HTR2C: variants seen among roughly 807,000 people sequenced by gnomAD.
The protein encoded by HTR2C is 5-hydroxytryptamine receptor 2C, also known as 5-hydroxytryptamine (serotonin) receptor 2C, G protein-coupled.
HTR2C carries 5 observed loss-of-function variants against 21.0 expected under a neutral mutation model. The observed-to-expected ratio is 0.24, with a 90% confidence interval of 0.12 to 0.50. The LOEUF (loss-of-function observed/expected upper bound fraction) is 0.50, where lower values mean the gene tolerates loss of function less well. Ranked by LOEUF, HTR2C falls within the 20% of genes least tolerant of loss-of-function variation. HTR2C has a pLI of 0.98. For synonymous variants in HTR2C, 150 were observed against 145.3 expected (o/e 1.03, Z -0.23); for missense variants, 271 against 371.2 (o/e 0.73, Z 2.22).
At chrX:114,882,443 A>G (rs1232622870) in intron 5 of HTR2C, among the ~76,000 whole-genome samples, 2 of 110,832 alleles carry the variant, frequency 1.8e-5, no homozygotes, top group Admixed American at 1.9e-4. Flanking sequence ...GAAAGTATTG[A>G]GTCTTTCATC....
At chrX:114,879,431 A>G (rs190233617) in intron 5 of HTR2C, among the ~76,000 whole-genome samples, 27 of 110,009 alleles carry the variant, frequency 2.5e-4, no homozygotes, top group Admixed American at 1.2e-3. Context: ...CTTTTTATCT[A>G]ATCTGACAGT....
intron 2 of HTR2C, among the ~76,000 whole-genome samples, chrX:114,622,390 A>C (rs1259975761): frequency 9.0e-6 from 1 of 111,660 alleles, no homozygotes; most frequent in Admixed American, 9.6e-5. Flanking sequence ...ACAAAAAAAA[A>C]CCAGAGCTGG....
chrX:114,817,320 C>T (rs1048078067), intron 4 of HTR2C, among the ~76,000 whole-genome samples: 1 of 111,357 alleles, frequency 9.0e-6, no homozygotes, highest in Admixed American at 9.7e-5. Flanking sequence ...GAATTTTCTA[C>T]AAATGCAATT....
intron 1 of HTR2C, among the ~76,000 whole-genome samples, chrX:114,585,449 T>C (rs1299943567): frequency 9.0e-6 from 1 of 111,678 alleles, no homozygotes; most frequent in Non-Finnish European, 1.9e-5. Context: ...TCTCCAGCGC[T>C]GCCTCTTATT....
chrX:114,870,719 A>G (rs1241006901), intron 5 of HTR2C, among the ~76,000 whole-genome samples: 2 of 111,488 alleles, frequency 1.8e-5, no homozygotes, highest in Admixed American at 9.5e-5. Flanking sequence ...ATAGTTGCTC[A>G]TAGTAGCCAC....
chrX:114,683,855 G>A (rs1301455705), intron 2 of HTR2C, among the ~76,000 whole-genome samples: 2 of 111,497 alleles, frequency 1.8e-5, no homozygotes, highest in African/African-American at 6.5e-5. Context: ...CAGACAATGC[G>A]ACCTAGTAAA....
At chrX:114,645,627 G>A (rs898035851) in intron 2 of HTR2C, among the ~76,000 whole-genome samples, 3 of 111,581 alleles carry the variant, frequency 2.7e-5, no homozygotes, top group African/African-American at 9.8e-5. Flanking sequence ...TTAAAATCAG[G>A]CAACTATGAG....
At chrX:114,834,901 G>A (rs2070766206) in intron 4 of HTR2C, among the ~76,000 whole-genome samples, 1 of 108,338 alleles carries the variant, frequency 9.2e-6, no homozygotes. Context: ...GGCAGGACTG[G>A]TGGTGACAAA....
chrX:114,608,182 A>G (rs1928554664), intron 1 of HTR2C, among the ~76,000 whole-genome samples: 1 of 111,500 alleles, frequency 9.0e-6, no homozygotes, highest in South Asian at 3.7e-4. Context: ...TCTCACATTT[A>G]AAAATCTATA....
rs1930760512 is a variant in HTR2C, at chrX:114,655,770, A to G, written c.-80+41889A>G. 2.7e-5 allele frequency among the ~76,000 whole-genome samples: 3 copies of G among 110,613 alleles called. No homozygotes were observed. The South Asian group carries it at 1.1e-3, about 42-fold the overall frequency. On this transcript the variant is annotated intron_variant, in intron 2 of 5. Coordinates refer to ENST00000276198, the MANE Select transcript of HTR2C (RefSeq NM_000868.4). The stretch of plus-strand genomic sequence containing the variant: ...ATTGGATTCCTTCGGAACATATTAT[A>G]CCTTCTTGAGTTTTGTGTAAAACTC...
intron 2 of HTR2C, among the ~76,000 whole-genome samples, chrX:114,712,039 A>C (rs1336035094): frequency 8.9e-6 from 1 of 112,148 alleles, no homozygotes; most frequent in African/African-American, 3.2e-5. Context: ...GCAATAGAAG[A>C]AGCAACGCTG....
intron 4 of HTR2C, among the ~76,000 whole-genome samples, chrX:114,841,740 C>CA (rs5903436): frequency 1.2e-3 from 117 of 98,056 alleles, no homozygotes; most frequent in African/African-American, 4.0e-3. Flanking sequence ...GACTCCGTCT[C>CA]AAAAAAAAAA....
chrX:114,882,910 T>G (rs2071192788), intron 5 of HTR2C, among the ~76,000 whole-genome samples: 1 of 110,863 alleles, frequency 9.0e-6, no homozygotes, highest in Non-Finnish European at 1.9e-5. Context: ...TGGTATTATT[T>G]CTTCTTTAAA....
intron 2 of HTR2C, among the ~76,000 whole-genome samples, chrX:114,661,284 C>T (rs1350966212): frequency 9.0e-6 from 1 of 110,821 alleles, no homozygotes; most frequent in African/African-American, 3.3e-5. Flanking sequence ...GAAACCCCGT[C>T]TCTACTAAAA....
intron 5 of HTR2C, among the ~76,000 whole-genome samples, chrX:114,868,837 T>G (rs2071067208): frequency 9.1e-6 from 1 of 110,185 alleles, no homozygotes; most frequent in Non-Finnish European, 1.9e-5. Flanking sequence ...ATGTTATCAC[T>G]TTTTGTATTT....
chrX:114,768,468 G>A (rs1466142803), intron 4 of HTR2C, among the ~76,000 whole-genome samples: 3 of 110,574 alleles, frequency 2.7e-5, no homozygotes, highest in East Asian at 2.8e-4. Flanking sequence ...GTATTTTCAC[G>A]TGTACCAAAA....
In HTR2C at chrX:114,638,499, G is replaced by GTTTATTTATTTATTTA. The variant is rs200717009; in HGVS notation, c.-80+24625_-80+24640dup. Among the ~76,000 whole-genome samples the GTTTATTTATTTATTTA allele has an allele frequency of 6.4e-3, 645 of 100,739 alleles. 2 individuals are homozygous for GTTTATTTATTTATTTA. The highest frequency in any genetic ancestry group is 0.013 in the South Asian group (27 of 2,039). The allele number at this position is 100,739 out of a possible 115,157, so 87.5% of individuals were successfully genotyped here. ...TATGTTTTTGACCATTATGTAATAC[G>GTTTATTTATTTATTTA]TTTATTTATTTATTTATTTATTATT... is the stretch of plus-strand genomic sequence containing the variant. On this transcript the variant is annotated intron_variant, in intron 2 of 5. Transcript: ENST00000276198.
Position 114,909,042 on chromosome X carries a change from G to A in HTR2C, c.*1627G>A, listed in dbSNP as rs200549812. 3 of 112,366 alleles carry A rather than the reference G, an allele frequency of 2.7e-5. No individual in the cohort carries two copies. Among genetic ancestry groups the A allele is most frequent in the Admixed American group, 1.9e-4 (2 of 10,539 alleles). The allele number at this position is 112,366 out of a possible 1,213,427, so 9.3% of individuals were successfully genotyped here. A position where few individuals can be genotyped will look rare whatever the true frequency, so the allele number is the denominator to read the frequency against. On this transcript the variant is annotated 3_prime_UTR_variant, in exon 6 of 6. Transcript: ENST00000276198. ...TGAATTTCTAAAACCCTTGGTCTGTGTTCTCAACACACAGTATAGATAAAT... is the reference window on the plus strand; with the variant it reads ...TGAATTTCTAAAACCCTTGGTCTGTATTCTCAACACACAGTATAGATAAAT...
intron 4 of HTR2C, among the ~76,000 whole-genome samples, chrX:114,816,910 A>G (rs1556454690): frequency 9.9e-6 from 1 of 100,967 alleles, no homozygotes; most frequent in African/African-American, 3.6e-5. Context: ...AGAATAGAAT[A>G]TTTATCCAAC....
Sources: gnomAD v4.1 joint callset for allele counts (sites outside exome capture counted in the v4.1 genomes callset) on GRCh38, gnomAD v4.1.1 for gene constraint, MANE v1.5 for transcripts, NCBI Gene and HGNC (gene_info 2026-07-23, HGNC 2026-07-21) for gene names.